The following GLCE variants were observed in gnomAD, a reference collection of about 807,000 sequenced individuals.
GLCE encodes D-glucuronyl C5-epimerase.
Under a neutral mutation model 47.9 loss-of-function variants are expected in GLCE, and 19 were observed. That is an observed-to-expected ratio of 0.40 (90% confidence interval 0.28 to 0.58). GLCE has a LOEUF of 0.58. Ranked by LOEUF, GLCE falls within the 20% of genes least tolerant of loss-of-function variation. GLCE has a pLI of 0.48. For missense variants in GLCE, 556 were observed against 743.3 expected (o/e 0.75, Z 2.93); for synonymous variants, 245 against 263.4 (o/e 0.93, Z 0.68).
At chr15:69,257,494 A>G (rs1385342973) in intron 3 of GLCE, among the ~76,000 whole-genome samples, 3 of 152,040 alleles carry the variant, frequency 2.0e-5, no homozygotes, top group African/African-American at 7.2e-5. Context: ...ATGCTCCACC[A>G]TGCCCAGCTA....
chr15:69,169,059 T>G (rs1453742261), intron 1 of GLCE, among the ~76,000 whole-genome samples: 1 of 152,236 alleles, frequency 6.6e-6, no homozygotes, highest in Non-Finnish European at 1.5e-5. Flanking sequence ...CACTATAGAT[T>G]AGTTGTGTTT....
At chr15:69,172,892 C>T (rs576583082) in intron 1 of GLCE, among the ~76,000 whole-genome samples, 66 of 152,078 alleles carry the variant, frequency 4.3e-4, no homozygotes, top group South Asian at 8.3e-4. Flanking sequence ...ATATTTGTTA[C>T]GAAATATGTT....
intron 2 of GLCE, among the ~76,000 whole-genome samples, chr15:69,228,414 A>G (rs1410668476): frequency 1.3e-5 from 2 of 152,238 alleles, no homozygotes; most frequent in African/African-American, 4.8e-5. Flanking sequence ...ACTGATTTGT[A>G]TTAGACTGTA....
In GLCE at chr15:69,226,832, C is replaced by G. The variant is rs189499449; in HGVS notation, c.-14+16426C>G. Among the ~76,000 whole-genome samples the G allele has an allele frequency of 3.1e-3, 470 of 149,944 alleles. 6 individuals are homozygous for G. Among genetic ancestry groups the G allele is most frequent in the African/African-American group, 0.011 (432 of 40,572 alleles). On this transcript the variant is annotated intron_variant, in intron 2 of 4. Coordinates refer to ENST00000261858, the MANE Select transcript of GLCE (RefSeq NM_015554.3). The stretch of plus-strand genomic sequence containing the variant: ...TGATCTCGGCTCACTGCAACCTCCG[C>G]CTCCCAGGTTCAAGCGATTTTCCTG...
intron 1 of GLCE, among the ~76,000 whole-genome samples, chr15:69,183,694 G>A (rs908944371): frequency 6.6e-6 from 1 of 152,202 alleles, no homozygotes; most frequent in Non-Finnish European, 1.5e-5. Context: ...AGGCTGAATG[G>A]GGCACTCCCC....
chr15:69,194,812 TAAG>T (rs1004005069), intron 1 of GLCE, among the ~76,000 whole-genome samples: 4 of 152,140 alleles, frequency 2.6e-5, no homozygotes, highest in Non-Finnish European at 4.4e-5. Context: ...TTTTAAAAAA[TAAG>T]AAGAGTAGCA....
intron 1 of GLCE, among the ~76,000 whole-genome samples, chr15:69,161,819 G>T (rs1319932754): frequency 6.6e-6 from 1 of 152,178 alleles, no homozygotes; most frequent in African/African-American, 2.4e-5. Context: ...TTAGGTGGGC[G>T]TTTGGTCTGC....
intron 1 of GLCE, among the ~76,000 whole-genome samples, chr15:69,166,364 G>C (rs899614756): frequency 6.6e-6 from 1 of 152,278 alleles, no homozygotes; most frequent in African/African-American, 2.4e-5. Context: ...CTTATTCAGT[G>C]TTTAAAATTA....
intron 2 of GLCE, among the ~76,000 whole-genome samples, chr15:69,226,624 A>C (rs1337368995): frequency 6.6e-6 from 1 of 151,374 alleles, no homozygotes; most frequent in Non-Finnish European, 1.5e-5. Flanking sequence ...TCAAAACTTG[A>C]TTGCATAGAA....
intron 2 of GLCE, among the ~76,000 whole-genome samples, chr15:69,230,360 G>A (rs2052506422): frequency 6.6e-6 from 1 of 152,024 alleles, no homozygotes; most frequent in Non-Finnish European, 1.5e-5. Context: ...ATATAAAAGG[G>A]GTCAGTTTAC....
At chr15:69,251,377 T>C (rs1277262154) in intron 2 of GLCE, among the ~76,000 whole-genome samples, 3 of 152,224 alleles carry the variant, frequency 2.0e-5, no homozygotes, top group Non-Finnish European at 2.9e-5. Context: ...TCAAGTTTAA[T>C]CTTTTTCTTC....
At chr15:69,198,158 T>G (rs2052024411) in intron 1 of GLCE, among the ~76,000 whole-genome samples, 1 of 152,174 alleles carries the variant, frequency 6.6e-6, no homozygotes. Context: ...AACACATGTA[T>G]GCTTTTATCA....
Position 69,256,120 on chromosome 15 carries a change from A to AAGAAAT in GLCE, c.315_320dup (p.Glu106_Ile107dup). ...AGTAAGGTGTTAGGGCTCAAATATG[A>AAGAAAT]AGAAATTGACTGTCTCATAAATGAT... On this transcript the variant is annotated inframe_insertion, in exon 3 of 5. Coordinates refer to ENST00000261858, the MANE Select transcript of GLCE (RefSeq NM_015554.3). 6.2e-7 allele frequency: 1 copy of AAGAAAT among 1,614,122 alleles called. No homozygotes were observed. Among genetic ancestry groups the AAGAAAT allele is most frequent in the Non-Finnish European group, 8.5e-7 (1 of 1,179,972 alleles).
At chr15:69,232,541 T>G (rs2140406319) in intron 2 of GLCE, among the ~76,000 whole-genome samples, 1 of 152,354 alleles carries the variant, frequency 6.6e-6, no homozygotes, top group African/African-American at 2.4e-5. Flanking sequence ...GATTGAGTTA[T>G]GCCTTTATTT....
chr15:69,161,277 A>T (rs1208715654), intron 1 of GLCE, among the ~76,000 whole-genome samples: 2 of 151,396 alleles, frequency 1.3e-5, no homozygotes, highest in Non-Finnish European at 2.9e-5. Context: ...TCCGTTTCGC[A>T]TTGCTGGGAT....
At chr15:69,221,043 T>C (rs750684967) in intron 2 of GLCE, among the ~76,000 whole-genome samples, 5 of 152,230 alleles carry the variant, frequency 3.3e-5, no homozygotes, top group Non-Finnish European at 7.3e-5. Flanking sequence ...TGGGTGGTCT[T>C]GCCACCCTTG....
intron 1 of GLCE, among the ~76,000 whole-genome samples, chr15:69,168,006 G>C (rs1052981580): frequency 2.0e-5 from 3 of 151,832 alleles, no homozygotes; most frequent in African/African-American, 7.3e-5. Context: ...AACTTTACTG[G>C]TCACCTTGTT....
intron 1 of GLCE, 85 bp from the exon 2 acceptor site, chr15:69,210,231 A>G (rs2052212665): frequency 6.6e-6 from 1 of 152,252 alleles, no homozygotes. Flanking sequence ...CAGGTCTTAT[A>G]GCTACATTAA....
At chr15:69,242,900 A>T (rs2052693064) in intron 2 of GLCE, among the ~76,000 whole-genome samples, 1 of 151,636 alleles carries the variant, frequency 6.6e-6, no homozygotes, top group South Asian at 2.1e-4. Flanking sequence ...AAAAATAAAA[A>T]ATAAAAATTA....
Sources: allele counts gnomAD v4.1 joint callset (sites outside exome capture counted in the v4.1 genomes callset), GRCh38; gene constraint gnomAD v4.1.1; transcripts MANE v1.5; gene names NCBI Gene and HGNC (gene_info 2026-07-23, HGNC 2026-07-21).